NAV2: variants seen among roughly 807,000 people sequenced by gnomAD.
NAV2 encodes the protein neuron navigator 2, also known as helicase, APC down-regulated 1.
Under a neutral mutation model 223.2 loss-of-function variants are expected in NAV2, and 54 were observed. The ratio of observed to expected loss-of-function variants is 0.24; its 90% CI spans 0.19 to 0.30. The LOEUF is 0.30. Ranked by LOEUF, NAV2 falls within the 10% of genes least tolerant of loss-of-function variation. The probability of loss-of-function intolerance (pLI) is 1.00; values close to 1 mark genes in which losing one functional copy is unlikely to be tolerated. For synonymous variants in NAV2, 1,279 were observed against 1,239.3 expected (o/e 1.03, Z -0.67); for missense variants, 2,806 against 3,147.5 (o/e 0.89, Z 2.60).
intron 1 of NAV2, among the ~76,000 whole-genome samples, chr11:19,818,165 G>A (rs2059195918): frequency 6.6e-6 from 1 of 151,616 alleles, no homozygotes; most frequent in African/African-American, 2.4e-5. Flanking sequence ...TTGGGGGAGG[G>A]GTAGGGGTAA....
chr11:19,723,414 T>A (rs1281524599), intron 1 of NAV2, among the ~76,000 whole-genome samples: 3 of 152,124 alleles, frequency 2.0e-5, no homozygotes, highest in Non-Finnish European at 4.4e-5. Flanking sequence ...TGAACTGAGG[T>A]CTTTCTGATT....
At chr11:19,466,984 T>TCTACACACAC (rs200910419) in intron 1 of NAV2, among the ~76,000 whole-genome samples, 10 of 125,140 alleles carry the variant, frequency 8.0e-5, no homozygotes, top group African/African-American at 2.8e-4. Context: ...TCTCTCTCTC[T>TCTACACACAC]ACACACACAC....
intron 1 of NAV2, among the ~76,000 whole-genome samples, chr11:19,701,902 G>A (rs1338283114): frequency 1.3e-5 from 2 of 152,116 alleles, no homozygotes; most frequent in Non-Finnish European, 2.9e-5. Context: ...TGCTCTCAGG[G>A]CCCAAAAGAT....
intron 1 of NAV2, among the ~76,000 whole-genome samples, chr11:19,398,669 C>T (rs1400010331): frequency 6.6e-6 from 1 of 152,156 alleles, no homozygotes; most frequent in Non-Finnish European, 1.5e-5. Context: ...TCCCTAATTT[C>T]CTGAAGCTCA....
chr11:19,784,570 A>G (rs950532694), intron 1 of NAV2, among the ~76,000 whole-genome samples: 6 of 152,056 alleles, frequency 3.9e-5, no homozygotes, highest in African/African-American at 1.5e-4. Flanking sequence ...AGTACTAATG[A>G]TAATTGCATT....
intron 36 of NAV2, among the ~76,000 whole-genome samples, chr11:20,109,181 G>A (rs1047649512): frequency 6.6e-6 from 1 of 152,194 alleles, no homozygotes; most frequent in Non-Finnish European, 1.5e-5. Flanking sequence ...AGGCATTCAG[G>A]ACAAAGGGAG....
intron 1 of NAV2, among the ~76,000 whole-genome samples, chr11:19,622,366 TC>T (rs1173557646): frequency 2.0e-5 from 3 of 152,304 alleles, no homozygotes; most frequent in South Asian, 2.1e-4. Context: ...TGTTAAAGTC[TC>T]CCATTATTAT....
chr11:19,776,066 C>T (rs577876174), intron 1 of NAV2, among the ~76,000 whole-genome samples: 4 of 152,194 alleles, frequency 2.6e-5, no homozygotes, highest in South Asian at 2.1e-4. Context: ...GTTTTGACTA[C>T]GGAAATGAAT....
chr11:19,872,202 T>C (rs1434278931), intron 4 of NAV2, among the ~76,000 whole-genome samples: 1 of 152,208 alleles, frequency 6.6e-6, no homozygotes, highest in East Asian at 1.9e-4. Context: ...TGACATCATG[T>C]TACATTACAG....
intron 1 of NAV2, among the ~76,000 whole-genome samples, chr11:19,423,194 C>A (rs767595606): frequency 1.1e-4 from 17 of 152,240 alleles, no homozygotes; most frequent in Non-Finnish European, 2.1e-4. Context: ...AGCTGCCATA[C>A]CAAATCTCTT....
At chr11:19,376,864 A>G (rs1209679568) in intron 1 of NAV2, among the ~76,000 whole-genome samples, 5 of 152,208 alleles carry the variant, frequency 3.3e-5, no homozygotes, top group Admixed American at 3.3e-4. Flanking sequence ...TGTGTATGGT[A>G]TTTAACAAGC....
intron 28 of NAV2, among the ~76,000 whole-genome samples, chr11:20,092,656 C>T (rs561138524): frequency 5.9e-5 from 9 of 152,260 alleles, no homozygotes; most frequent in African/African-American, 2.2e-4. Context: ...GGCTGACCTG[C>T]AAGCTGAATG....
intron 7 of NAV2, among the ~76,000 whole-genome samples, chr11:19,935,851 G>GTTTTTTTTTTTTGT (rs1555156775): frequency 2.1e-4 from 11 of 52,704 alleles, no homozygotes; most frequent in East Asian, 7.8e-4. Flanking sequence ...TTTTGTTTCT[G>GTTTTTTTTTTTTGT]TTTTTTTTTT....
rs1353742418 is a variant in NAV2, at chr11:19,351,126, C to T, written c.75+99C>T. ...GTCATCATCGAGCATGCTTGTCTGT[C>T]TTTCTCTCCGGAAGGAGGTAGCATG... On this transcript the variant is annotated intron_variant, in intron 1 of 37. Transcript: ENST00000360655. 4.9e-6 allele frequency: 6 copies of T among 1,230,520 alleles called. No homozygotes were observed. In the African/African-American group the frequency reaches 6.0e-5, roughly 12 times the overall value. 76.2% of individuals were successfully genotyped at this position (1,230,520 alleles called of 1,614,324 possible).
rs528834408 is a variant in NAV2, at chr11:19,925,610, G to C, written c.932-7566G>C. 1.9e-4 allele frequency among the ~76,000 whole-genome samples: 29 copies of C among 152,224 alleles called. 2 individuals are homozygous for C. The South Asian group carries it at 3.1e-3, about 16-fold the overall frequency. On this transcript the variant is annotated intron_variant, in intron 6 of 37. Transcript: ENST00000349880. Reference sequence around the variant, plus strand: ...CTAAAAATACAAAAATTAGCCGAGCGTGGTGGTGCATGCCTATAATCCCAC... The same window carrying C: ...CTAAAAATACAAAAATTAGCCGAGCCTGGTGGTGCATGCCTATAATCCCAC...
intron 25 of NAV2, among the ~76,000 whole-genome samples, chr11:20,081,302 A>G (rs1565014448): frequency 6.6e-6 from 1 of 152,212 alleles, no homozygotes; most frequent in Non-Finnish European, 1.5e-5. Flanking sequence ...GGATTAATTC[A>G]TATTGCTGTC....
At chr11:19,932,497 T>G (rs1229856143) in intron 6 of NAV2, among the ~76,000 whole-genome samples, 2 of 152,130 alleles carry the variant, frequency 1.3e-5, no homozygotes, top group Non-Finnish European at 2.9e-5. Flanking sequence ...TTTTGTATTT[T>G]TAGTAGAGAC....
chr11:20,035,673 G>A (rs2056282547), intron 11 of NAV2, among the ~76,000 whole-genome samples: 1 of 152,168 alleles, frequency 6.6e-6, no homozygotes, highest in Admixed American at 6.5e-5. Flanking sequence ...AAAATTCTCA[G>A]GATGAAGTTG....
chr11:19,374,501 C>G (rs1191046183), intron 1 of NAV2, among the ~76,000 whole-genome samples: 1 of 152,058 alleles, frequency 6.6e-6, no homozygotes, highest in Admixed American at 6.6e-5. Context: ...TTGAGACATC[C>G]TCAGTCACTC....
Sources: allele counts gnomAD v4.1 joint callset (sites outside exome capture counted in the v4.1 genomes callset), GRCh38; gene constraint gnomAD v4.1.1; transcripts MANE v1.5; gene names NCBI Gene and HGNC (gene_info 2026-07-23, HGNC 2026-07-21).